Variants in NLRP8 observed in about 807,000 individuals in gnomAD.
NLRP8 encodes the protein NACHT, LRR and PYD domains-containing protein 8.
NLRP8 carries 86 observed loss-of-function variants against 88.7 expected under a neutral mutation model. The observed-to-expected ratio is 0.97, with a 90% CI of 0.81 to 1.16. The LOEUF (loss-of-function observed/expected upper bound fraction) is 1.16. Among genes scored for constraint, NLRP8 ranks in the 50% most tolerant of loss-of-function variants. The pLI is 0.00. For missense variants in NLRP8, 1,342 were observed against 1,286.5 expected (o/e 1.04, Z -0.66); for synonymous variants, 504 against 494.6 (o/e 1.02, Z -0.25).
intron 8 of NLRP8, among the ~76,000 whole-genome samples, chr19:55,977,159 A>G (rs1980381346): frequency 6.8e-6 from 1 of 147,234 alleles, no homozygotes; most frequent in Admixed American, 6.9e-5. Flanking sequence ...ATACGTATAT[A>G]AAGATACATA....
chr19:55,986,783 C>T (rs1004138690), intron 9 of NLRP8, among the ~76,000 whole-genome samples: 4 of 151,382 alleles, frequency 2.6e-5, no homozygotes, highest in Admixed American at 2.6e-4. Context: ...CCAGCTGGCC[C>T]AGAGCTGGAC....
chr19:55,972,939 C>A (rs923623398), intron 6 of NLRP8, among the ~76,000 whole-genome samples: 2 of 151,852 alleles, frequency 1.3e-5, no homozygotes, highest in African/African-American at 4.8e-5. Context: ...GTGTAAGTAT[C>A]TTTTTCATAT....
chr19:55,954,344 C>G (rs905536886), intron 2 of NLRP8, among the ~76,000 whole-genome samples, 157 bp from the exon 3 acceptor site: 14 of 152,118 alleles, frequency 9.2e-5, no homozygotes, highest in Non-Finnish European at 1.8e-4. Context: ...TTGGTGCTTC[C>G]TAGTTGACAC....
rs371549664 is a variant in NLRP8, at chr19:55,966,416, G to A, written c.2381+36G>A. ...AGAGGGGGGTTAGAGTGGGAACCGG[G>A]GTACCCGGATGGTCTTTTCAAGGGC... On this transcript the variant is annotated intron_variant, in intron 5 of 9. Coordinates refer to ENST00000291971, the MANE Select transcript of NLRP8 (RefSeq NM_176811.2). 1.4e-5 allele frequency: 22 copies of A among 1,603,012 alleles called. No individual in the cohort carries two copies. In the African/African-American group the frequency reaches 2.8e-4, roughly 20 times the overall value.
intron 8 of NLRP8, 96 bp downstream of exon 8, chr19:55,976,399 A>G: frequency 1.8e-6 from 2 of 1,090,028 alleles, no homozygotes; most frequent in South Asian, 5.6e-5. Flanking sequence ...TGTCTTTTTA[A>G]GTTTCTGGAT....
chr19:55,950,947 G>T (rs149952231), intron 1 of NLRP8, among the ~76,000 whole-genome samples: 143 of 152,238 alleles, frequency 9.4e-4, no homozygotes, highest in Middle Eastern at 3.4e-3. Flanking sequence ...GCGTGGTGGC[G>T]CACGCCTGTA....
rs1318568291 is a variant in NLRP8, at chr19:55,970,614, C to G, written c.2452C>G (p.Leu818Val). 1 of 1,614,074 alleles carries G rather than the reference C, an allele frequency of 6.2e-7. No homozygotes were observed. Residue 818 changes from leucine to valine, a missense_variant, in exon 6 of 10, where the codon CTA (leucine) becomes GTA (valine). Leu to Val is a conservative substitution (Grantham distance 32, BLOSUM62 1). Transcript: ENST00000291971. ...CAATAATCTTCAAGGTAACGGGCAT[C>G]TAAAGACTCTCATACTAAGAAAAAA... is the stretch of plus-strand genomic sequence containing the variant.
chr19:55,962,647 G>A (rs1600304265), intron 4 of NLRP8, among the ~76,000 whole-genome samples: 1 of 152,120 alleles, frequency 6.6e-6, no homozygotes, highest in Non-Finnish European at 1.5e-5. Context: ...TTCAGCTCAG[G>A]TGTTCGAGAC....
intron 3 of NLRP8, among the ~76,000 whole-genome samples, chr19:55,961,146 G>A (rs898660272): frequency 2.6e-5 from 4 of 151,822 alleles, no homozygotes; most frequent in Admixed American, 2.0e-4. Context: ...CTGGTGATCC[G>A]CCTGCCTTGG....
Position 55,955,304 on chromosome 19 carries a change from C to T in NLRP8, c.1246C>T (p.Leu416Phe), listed in dbSNP as rs763085013. 6.2e-7 allele frequency: 1 copy of T among 1,614,086 alleles called. No homozygotes were observed. The highest frequency in any genetic ancestry group is 8.5e-7 in the Non-Finnish European group (1 of 1,180,060). The change falls in exon 3 of 10, where the codon CTC (leucine) becomes TTC (phenylalanine). Residue 416 changes from leucine to phenylalanine, a missense_variant. Leu to Phe is a conservative substitution (Grantham distance 22). Transcript: ENST00000291971. ...ACAGCAAATGGAGAGAGGAAACAAT[C>T]TCACACAGTCATGTCCAAATGCCAC...
At chr19:55,952,655 T>C in intron 2 of NLRP8, 43 bp downstream of exon 2, 1 of 1,527,234 alleles carries the variant, frequency 6.5e-7, no homozygotes, top group Non-Finnish European at 9.1e-7. Context: ...AAAAATGGGC[T>C]ATGGACTGGG....
chr19:55,978,212 T>A (rs1218122030), intron 8 of NLRP8, among the ~76,000 whole-genome samples: 1 of 152,276 alleles, frequency 6.6e-6, no homozygotes, highest in East Asian at 1.9e-4. Context: ...TAAATTTTTT[T>A]ATTATACTTT....
At chr19:55,962,849 G>A (rs145936272) in intron 4 of NLRP8, among the ~76,000 whole-genome samples, 100 of 152,184 alleles carry the variant, frequency 6.6e-4, no homozygotes, top group African/African-American at 2.3e-3. Context: ...ATGCAGTCCC[G>A]CACGTGAAGC....
chr19:55,953,587 C>T lies in NLRP8; in HGVS notation c.443-914C>T, dbSNP rs1247700116. Among the ~76,000 whole-genome samples the T allele has an allele frequency of 3.9e-5, 6 of 151,970 alleles. 1 individual carries two copies. The highest frequency in any genetic ancestry group is 3.9e-4 in the Admixed American group (6 of 15,258). ...TCTCTCAGCTCACTGCAACCTTCTG[C>T]CTCCCAGGTTCAAGTGATTCTCCTG... On this transcript the variant is annotated intron_variant, in intron 2 of 9. Coordinates refer to ENST00000291971, the MANE Select transcript of NLRP8 (RefSeq NM_176811.2).
At chr19:55,981,307 C>A (rs760681138) in intron 9 of NLRP8, among the ~76,000 whole-genome samples, 149 bp downstream of exon 10, 1 of 151,598 alleles carries the variant, frequency 6.6e-6, no homozygotes, top group Admixed American at 6.6e-5. Context: ...TGGCTCCATT[C>A]GTTCTGGGAA....
At chr19:55,980,281 A>G (rs1980516811) in intron 9 of NLRP8, among the ~76,000 whole-genome samples, 1 of 152,220 alleles carries the variant, frequency 6.6e-6, no homozygotes, top group African/African-American at 2.4e-5. Flanking sequence ...AAAGTCGCAC[A>G]TACGGCACTT....
intron 9 of NLRP8, among the ~76,000 whole-genome samples, chr19:55,981,396 A>G (rs1343704509): frequency 1.3e-5 from 2 of 152,178 alleles, no homozygotes; most frequent in Non-Finnish European, 2.9e-5. Flanking sequence ...TAGTCACTGC[A>G]TTGGGGGCAC....
At chr19:55,980,498 A>G (rs1980525929) in intron 9 of NLRP8, among the ~76,000 whole-genome samples, 1 of 152,186 alleles carries the variant, frequency 6.6e-6, no homozygotes, top group South Asian at 2.1e-4. Context: ...AGCTCATGGT[A>G]TCTCCCGAGG....
intron 9 of NLRP8, among the ~76,000 whole-genome samples, chr19:55,987,461 T>C (rs1599866435): frequency 6.6e-6 from 1 of 152,154 alleles, no homozygotes; most frequent in Non-Finnish European, 1.5e-5. Flanking sequence ...GTCCAGAGGG[T>C]GTTTTGGTGC....
Sources: allele counts gnomAD v4.1 joint callset (sites outside exome capture counted in the v4.1 genomes callset), GRCh38; gene constraint gnomAD v4.1.1; transcripts MANE v1.5; gene names NCBI Gene and HGNC (gene_info 2026-07-23, HGNC 2026-07-21).